Variants in SLC24A2 observed in about 807,000 individuals in gnomAD.
SLC24A2 encodes the protein solute carrier family 24 member 2, also known as sodium/potassium/calcium exchanger 2.
In SLC24A2, 36 loss-of-function variants were observed where a neutral mutation model predicts 62.0. The observed-to-expected ratio is 0.58, with a 90% CI of 0.44 to 0.77. The LOEUF (loss-of-function observed/expected upper bound fraction) is 0.77. Ranked by LOEUF, SLC24A2 falls within the 30% of genes least tolerant of loss-of-function variation. SLC24A2 has a pLI of 0.00. For missense variants in SLC24A2, 846 were observed against 817.9 expected, an observed-to-expected ratio of 1.03 and a Z score of -0.42; for synonymous variants, 358 against 294.0, an observed-to-expected ratio of 1.22 and a Z score of -2.23.
the SLC24A2 span, among the ~76,000 whole-genome samples, chr9:20,290,341 G>T: frequency 1.9e-4 from 29 of 152,340 alleles, no homozygotes; most frequent in East Asian, 3.3e-3. Context: ...ATGTTGAGGA[G>T]CCCACAGCTG....
the SLC24A2 span, among the ~76,000 whole-genome samples, chr9:20,002,824 C>T: frequency 2.6e-5 from 4 of 152,182 alleles, no homozygotes; most frequent in Non-Finnish European, 5.9e-5. Flanking sequence ...GGGACAACAG[C>T]AGGGCTGGCT....
chr9:19,819,268 C>A, the SLC24A2 span, among the ~76,000 whole-genome samples: 38 of 152,212 alleles, frequency 2.5e-4, no homozygotes, highest in Non-Finnish European at 4.6e-4. Flanking sequence ...ATTGGAAAAA[C>A]CCTCCTAGAC....
chr9:20,228,376 T>A, the SLC24A2 span, among the ~76,000 whole-genome samples: 2 of 152,068 alleles, frequency 1.3e-5, no homozygotes, highest in Non-Finnish European at 2.9e-5. Flanking sequence ...GGTCACAGAC[T>A]GTCAGCTCCC....
chr9:20,176,278 G>A, the SLC24A2 span, among the ~76,000 whole-genome samples: 4 of 151,924 alleles, frequency 2.6e-5, no homozygotes, highest in African/African-American at 9.7e-5. Flanking sequence ...AATATCTTCT[G>A]ATTTACTTCA....
rs1192457497 is a variant in SLC24A2, at chr9:19,563,767, TG to T, written c.1347+9583del. Among the ~76,000 whole-genome samples, 60 of 46,420 alleles carry T rather than the reference TG, an allele frequency of 1.3e-3. 10 individuals carry two copies. The highest frequency in any genetic ancestry group is 2.4e-3 in the African/African-American group (26 of 10,992). 30.5% of individuals were successfully genotyped at this position (46,420 alleles called of 152,430 possible). On this transcript the variant is annotated intron_variant, in intron 7 of 10. Transcript: ENST00000341998. ...ATAATGACCCTTCCTTCCTTTCATC[TG>T]TAACAAAACTGTTGGTTTTTATAAT...
intron 2 of SLC24A2, among the ~76,000 whole-genome samples, chr9:19,720,341 T>A (rs1024400699): frequency 2.6e-5 from 4 of 152,216 alleles, no homozygotes; most frequent in African/African-American, 7.2e-5. Flanking sequence ...GATCTGGGGC[T>A]TTGGGGACAT....
the SLC24A2 span, among the ~76,000 whole-genome samples, chr9:20,265,599 C>T: frequency 6.6e-6 from 1 of 152,142 alleles, no homozygotes; most frequent in African/African-American, 2.4e-5. Flanking sequence ...TATGTTACCT[C>T]AGGACCCTGT....
the SLC24A2 span, among the ~76,000 whole-genome samples, chr9:20,171,147 C>A: frequency 6.6e-6 from 1 of 152,054 alleles, no homozygotes; most frequent in East Asian, 1.9e-4. Context: ...AAGATATACT[C>A]TTTTTCAGAC....
chr9:20,045,945 T>A, the SLC24A2 span, among the ~76,000 whole-genome samples: 6 of 152,152 alleles, frequency 3.9e-5, no homozygotes, highest in Admixed American at 3.9e-4. Context: ...TCCCCACATA[T>A]GGAGAGAACA....
the SLC24A2 span, among the ~76,000 whole-genome samples, chr9:19,924,102 G>A: frequency 3.3e-4 from 50 of 152,324 alleles, no homozygotes; most frequent in Non-Finnish European, 6.8e-4. Flanking sequence ...TTATGCCACC[G>A]TCATGCCTGT....
At chr9:20,119,550 A>G in the SLC24A2 span, among the ~76,000 whole-genome samples, 109 of 152,294 alleles carry the variant, frequency 7.2e-4, 3 homozygotes, top group South Asian at 0.011. Context: ...ACTTGACAAA[A>G]TTTAACACTT....
the SLC24A2 span, among the ~76,000 whole-genome samples, chr9:20,217,042 T>C: frequency 2.6e-5 from 4 of 152,160 alleles, no homozygotes; most frequent in African/African-American, 7.2e-5. Flanking sequence ...AAAATGTTCA[T>C]GATACCCCCA....
the SLC24A2 span, among the ~76,000 whole-genome samples, chr9:20,211,900 A>C: frequency 1.3e-5 from 2 of 152,164 alleles, no homozygotes; most frequent in African/African-American, 4.8e-5. Context: ...AAAGAAATAA[A>C]ATTAAGATAG....
chr9:19,517,686 T>C lies in SLC24A2; in HGVS notation c.1737-1284A>G, dbSNP rs10964186. On this transcript the variant is annotated intron_variant, in intron 10 of 10. Transcript: ENST00000341998. ...GGAGGTGCTTCTTTCTGTGAACTTG[T>C]TGGGGAGGGGTTCCAAGCTTGGGAA... Among the ~76,000 whole-genome samples the C allele has an allele frequency of 3.8e-4, 57 of 151,988 alleles. 1 individual carries two copies. In the East Asian group the frequency reaches 6.2e-3, roughly 17 times the overall value.
At chr9:19,764,144 G>C (rs951967772) in intron 2 of SLC24A2, among the ~76,000 whole-genome samples, 1 of 152,114 alleles carries the variant, frequency 6.6e-6, no homozygotes, top group African/African-American at 2.4e-5. Flanking sequence ...TATTTCTGTG[G>C]CATCAGTGGT....
intron 2 of SLC24A2, among the ~76,000 whole-genome samples, chr9:19,636,318 T>TCCTTTC (rs573300887): frequency 1.6e-4 from 5 of 32,220 alleles, no homozygotes; most frequent in Admixed American, 3.1e-4. Context: ...TCTTTTCTTT[T>TCCTTTC]CTTTCTTTCT....
At chr9:19,984,523 T>A in the SLC24A2 span, among the ~76,000 whole-genome samples, 1 of 152,222 alleles carries the variant, frequency 6.6e-6, no homozygotes, top group Admixed American at 6.5e-5. Flanking sequence ...CTGGCCAACA[T>A]GGTGAAACCC....
chr9:19,990,556 A>G, the SLC24A2 span, among the ~76,000 whole-genome samples: 1 of 151,268 alleles, frequency 6.6e-6, no homozygotes, highest in African/African-American at 2.4e-5. Flanking sequence ...GGTTGCAGTG[A>G]GAAGAGATCA....
chr9:20,135,835 C>T, the SLC24A2 span, among the ~76,000 whole-genome samples: 1 of 151,950 alleles, frequency 6.6e-6, no homozygotes, highest in Admixed American at 6.6e-5. Flanking sequence ...ATGTGTTTTT[C>T]CTTTTCCAAA....
Sources: gnomAD v4.1 joint callset for allele counts (sites outside exome capture counted in the v4.1 genomes callset) on GRCh38, gnomAD v4.1.1 for gene constraint, MANE v1.5 for transcripts, NCBI Gene and HGNC (gene_info 2026-07-23, HGNC 2026-07-21) for gene names.